Variants in PLEC observed in about 807,000 individuals in gnomAD.
PLEC encodes plectin.
Under a neutral mutation model 392.8 loss-of-function variants are expected in PLEC, and 216 were observed. That is an observed-to-expected ratio of 0.55 (90% CI 0.49 to 0.62). PLEC has a LOEUF of 0.62. Ranked by LOEUF, PLEC falls within the 20% of genes least tolerant of loss-of-function variation. The probability of loss-of-function intolerance (pLI) is 0.00; values close to 1 mark genes in which losing one functional copy is unlikely to be tolerated. For missense variants in PLEC, 6,863 were observed against 6,563.4 expected (o/e 1.05, Z -1.58); for synonymous variants, 3,621 against 2,980.6 (o/e 1.21, Z -7.00).
Position 143,932,420 on chromosome 8 carries a change from C to A in PLEC, c.1957G>T (p.Ala653Ser), listed in dbSNP as rs368435908. The change falls in exon 16 of 32, where the codon GCC becomes TCC. Residue 653 changes from alanine to serine, a missense_variant. Coordinates refer to ENST00000345136, the MANE Select transcript of PLEC (RefSeq NM_201384.3). ...DWSDRNTNMT[A>S]KKESYSALMR... ...CTCACCGAGTAGCTCTCCTTCTTGG[C>A]GGTCATGTTGGTGTTGCGGTCGCTC... 1.9e-6 allele frequency: 3 copies of A among 1,612,924 alleles called. No homozygotes were observed. Among genetic ancestry groups the A allele is most frequent in the Non-Finnish European group, 2.5e-6 (3 of 1,179,970 alleles).
At chr8:143,975,749 C>G (rs1374112740), upstream of PLEC, among the ~76,000 whole-genome samples, 1 of 152,118 alleles carries the variant, frequency 6.6e-6, no homozygotes, top group East Asian at 1.9e-4. This position sits in a 1 kb window ranked among gnomAD's most constrained non-coding sequence, Gnocchi z 9.9. Context: ...ACCCACACCC[C>G]ACCCACCTAC....
chr8:143,952,865 G>A (rs896143674), upstream of PLEC, among the ~76,000 whole-genome samples: 1 of 152,098 alleles, frequency 6.6e-6, no homozygotes, highest in Admixed American at 6.5e-5. Context: ...GGGCTCGGCG[G>A]GAGTCCCCTC....
chr8:143,968,842 T>A (rs948425463), intron 1 of PLEC, among the ~76,000 whole-genome samples: 5 of 151,802 alleles, frequency 3.3e-5, no homozygotes, highest in Non-Finnish European at 7.4e-5. Context: ...AATCAAAGAG[T>A]CAGATAATAA....
At chr8:143,935,587 G>A (rs1393621987) in intron 6 of PLEC, among the ~76,000 whole-genome samples, 2 of 152,212 alleles carry the variant, frequency 1.3e-5, no homozygotes, top group East Asian at 3.9e-4. Flanking sequence ...GGCCCCTCCG[G>A]AGGCGTCCAC....
rs141176249 is a variant in PLEC at position 143,919,157 on chromosome 8, G to T, written c.10664C>A (p.Thr3555Lys). ...GAEKAEVVET[T>K]QVYTEEETRR... ...TGTCTCCTCCTCAGTGTACACCTGC[G>T]TGGTCTCCACCACCTCAGCCTTCTC... The change falls in exon 32 of 32, where the codon ACG becomes AAG. Residue 3555 changes from threonine (T) to lysine (K), a missense_variant. Transcript: ENST00000345136. 1 of 1,613,546 alleles carries T rather than the reference G, an allele frequency of 6.2e-7. No homozygotes were observed. The highest frequency in any genetic ancestry group is 2.2e-5 in the East Asian group (1 of 44,862).
chr8:143,973,312 C>G lies in PLEC; in HGVS notation c.70+91G>C. ...GCCGGCGGAGTGGCCGCGCTCGGGC[C>G]GGCGATCGGGACCGCCACCGTGGAC... On this transcript the variant is annotated intron_variant, in intron 1 of 31. Coordinates refer to the PLEC transcript ENST00000356346. The surrounding 1 kb of genome is among the most constrained non-coding windows in gnomAD (Gnocchi z 5.6). 1.4e-6 allele frequency: 2 copies of G among 1,477,108 alleles called. No homozygotes were observed. The highest frequency in any genetic ancestry group is 1.4e-5 in the African/African-American group (1 of 69,054). 91.5% of individuals were successfully genotyped at this position (1,477,108 alleles called of 1,614,324 possible). A position where few individuals can be genotyped will look rare whatever the true frequency, so the allele number is the denominator to read the frequency against.
intron 6 of PLEC, 76 bp from the exon 7 acceptor site, chr8:143,935,389 G>A (rs1411124971): frequency 3.1e-5 from 30 of 968,302 alleles, no homozygotes; most frequent in African/African-American, 1.6e-4. Context: ...TGCACAGGCC[G>A]GCTCCTCACA....
At chr8:143,953,765 G>T, upstream of PLEC, 2 of 1,612,268 alleles carry the variant, frequency 1.2e-6, no homozygotes, top group Non-Finnish European at 1.7e-6. Context: ...GCTCGCGAGG[G>T]GTCCATGTCT....
Position 143,920,927 on chromosome 8 carries a change from T to C in PLEC, c.8894A>G (p.Glu2965Gly). The C allele has an allele frequency of 6.2e-7, 1 of 1,612,748 alleles. No individual in the cohort carries two copies. The highest frequency in any genetic ancestry group is 1.1e-5 in the South Asian group (1 of 91,078). ...GCAAAGCCGGCCCTTCTGCTCCTGC[T>C]CCTCCACCACCGTGATGATGATCTT... The part of the protein sequence containing the change: ...IIKIIITVVE[E>G]QEQKGRLCFE... The change falls in exon 32 of 32, where the codon GAG becomes GGG. Residue 2965 changes from glutamate (E) to glycine (G), a missense_variant. Physicochemically the swap from Glu to Gly is moderately conservative, Grantham distance 98 (BLOSUM62 -2). Transcript: ENST00000345136.
chr8:143,954,738 A>G (rs1279524406), upstream of PLEC, among the ~76,000 whole-genome samples: 2 of 152,098 alleles, frequency 1.3e-5, no homozygotes, highest in Non-Finnish European at 2.9e-5. The surrounding 1 kb of genome is among the most constrained non-coding windows in gnomAD (Gnocchi z 4.6). Context: ...GGCACGGAGG[A>G]ATGCTGGGCC....
At position 143,921,241 on chromosome 8, in the gene PLEC, C is replaced by T; in HGVS notation, c.8580G>A (p.Glu2860=). 2 of 1,614,112 alleles carry T rather than the reference C, an allele frequency of 1.2e-6. No individual in the cohort carries two copies. The highest frequency in any genetic ancestry group is 1.7e-6 in the Non-Finnish European group (2 of 1,180,052). The change falls in exon 32 of 32, where the codon GAG becomes GAA. Residue 2860 remains glutamate, a synonymous_variant. Coordinates refer to ENST00000345136, the MANE Select transcript of PLEC (RefSeq NM_201384.3). ...TKGFFDPNTH[E]NLTYLQLLER... ...CCAGTAGCTGCAGGTACGTGAGGTT[C>T]TCGTGCGTGTTGGGGTCAAAGAAGC...
At chr8:143,939,038 G>A (rs1375321567) in intron 1 of PLEC, among the ~76,000 whole-genome samples, 1 of 152,148 alleles carries the variant, frequency 6.6e-6, no homozygotes, top group Non-Finnish European at 1.5e-5. Context: ...CAGGGGTGTG[G>A]CAGAGCCAGG....
intron 5 of PLEC, among the ~76,000 whole-genome samples, chr8:143,936,592 C>A (rs1330437366): frequency 6.6e-6 from 1 of 152,232 alleles, no homozygotes; most frequent in Non-Finnish European, 1.5e-5. Context: ...GCCGTGCCAG[C>A]ACCAGGCTCT....
chr8:143,950,591 T>C lies in PLEC; in HGVS notation c.116A>G (p.His39Arg). The C allele has an allele frequency of 1.9e-6, 3 of 1,607,892 alleles. No individual in the cohort carries two copies. The South Asian group carries it at 3.3e-5, about 18-fold the overall frequency. ...CTGCAGGTTGGTGACGCCGGGCACA[T>C]GGGGGTGCAAGCTGCGGGGCCGCCG... Residue 39 changes from histidine (H) to arginine (R), a missense_variant, in exon 1 of 32, where the codon CAT (histidine) becomes CGT (arginine). Transcript: ENST00000322810.
At position 143,922,958 on chromosome 8, in the gene PLEC, C is replaced by A; in HGVS notation, c.6971G>T (p.Arg2324Leu). The A allele has an allele frequency of 6.2e-7, 1 of 1,609,730 alleles. No individual in the cohort carries two copies. The highest frequency in any genetic ancestry group is 1.3e-5 in the African/African-American group (1 of 74,934). Residue 2324 changes from arginine (R) to leucine (L), a missense_variant, in exon 31 of 32, where the codon CGA (arginine) becomes CTA (leucine). By Grantham distance (102) the Arg-to-Leu change is moderately radical. Coordinates refer to ENST00000345136, the MANE Select transcript of PLEC (RefSeq NM_201384.3). ...EKMQAVQEAT[R>L]LKAEAELLQQ... ...CAGCAGTTCCGCCTCAGCCTTGAGT[C>A]GCGTGGCCTCCTGCACCGCCTGCAT... is the stretch of plus-strand genomic sequence containing the variant.
upstream of PLEC, among the ~76,000 whole-genome samples, chr8:143,941,904 A>G (rs936281853): frequency 1.3e-5 from 2 of 152,120 alleles, no homozygotes; most frequent in African/African-American, 4.8e-5. Flanking sequence ...CACGACAGGC[A>G]CTGCCGTGGC....
chr8:143,921,538 G>A lies in PLEC; in HGVS notation c.8283C>T (p.Pro2761=), dbSNP rs533602337. 14 of 1,612,752 alleles carry A rather than the reference G, an allele frequency of 8.7e-6. No individual in the cohort carries two copies. Among genetic ancestry groups the A allele is most frequent in the East Asian group, 4.5e-5 (2 of 44,866 alleles). ...NEAVKEGVVG[P]ELHHKLLSAE... is the part of the protein sequence containing the mutation. ...CCGACAGCAGCTTGTGGTGCAGCTC[G>A]GGGCCCACCACACCCTCCTTCACAG... The change falls in exon 32 of 32, where the codon CCC becomes CCT. Residue 2761 remains proline (P), a synonymous_variant. Transcript: ENST00000345136.
rs1564011242 is a variant in PLEC, at chr8:143,922,854, C to CCGCCAGCTGCTG, written c.7063_7074dup (p.Gln2355_Ala2358dup). 1.9e-6 allele frequency: 3 copies of CCGCCAGCTGCTG among 1,579,318 alleles called. No individual in the cohort carries two copies. The East Asian group carries it at 7.0e-5, about 37-fold the overall frequency. Reference sequence around the variant, plus strand: ...GTCCGCTGGAAGCCCTGCGTCTCCTCCGCCAGCTGCTGCGCCATCTGCTCC... The same window carrying CCGCCAGCTGCTG: ...GTCCGCTGGAAGCCCTGCGTCTCCTCCGCCAGCTGCTGCGCCAGCTGCTGCGCCATCTGCTCC... On this transcript the variant is annotated inframe_insertion, in exon 31 of 32. Transcript: ENST00000345136.
Position 143,927,565 on chromosome 8 carries a change from C to T in PLEC, c.3601G>A (p.Glu1201Lys), listed in dbSNP as rs782581435. 2.5e-4 allele frequency: 401 copies of T among 1,592,318 alleles called. No homozygotes were observed. The highest frequency in any genetic ancestry group is 3.3e-4 in the Non-Finnish European group (391 of 1,176,972). The stretch of plus-strand genomic sequence containing the variant: ...AGCTGGCGGCCCAGTTGCTCGAGCT[C>T]GCGCTGCCGCACGTCGGTCTGGGCC... Reference protein sequence around the residue: ...VLAQTDVRQRELEQLGRQLRY... With the variant: ...VLAQTDVRQRKLEQLGRQLRY... Residue 1201 changes from glutamate (E) to lysine (K), a missense_variant, in exon 27 of 32, where the codon GAG (glutamate) becomes AAG (lysine). Physicochemically the swap from Glu to Lys is moderately conservative, Grantham distance 56. Coordinates refer to ENST00000345136, the MANE Select transcript of PLEC (RefSeq NM_201384.3).
Sources: allele counts gnomAD v4.1 joint callset (sites outside exome capture counted in the v4.1 genomes callset), GRCh38; gene constraint gnomAD v4.1.1; non-coding constraint Gnocchi (gnomAD v3.1); transcripts MANE v1.5; gene names NCBI Gene and HGNC (gene_info 2026-07-23, HGNC 2026-07-21).